Variants in XPO4 observed in about 807,000 individuals in gnomAD.
The protein encoded by XPO4 is exportin 4.
XPO4 carries 39 observed loss-of-function variants against 143.0 expected under a neutral mutation model. The observed-to-expected ratio is 0.27, with a 90% confidence interval of 0.21 to 0.36. The LOEUF (loss-of-function observed/expected upper bound fraction) is 0.36, where lower values mean the gene tolerates loss of function less well. Among genes scored for constraint, XPO4 ranks in the 10% least tolerant of loss-of-function variants. The pLI, the probability that XPO4 is intolerant of heterozygous loss-of-function variation, is 1.00. For missense variants in XPO4, 907 were observed against 1,348.0 expected, an observed-to-expected ratio of 0.67 and a Z score of 5.12; for synonymous variants, 439 against 474.0, an observed-to-expected ratio of 0.93 and a Z score of 0.96.
rs1813101007 is a variant in XPO4, at chr13:20,780,399, G to A, written c.*3323C>T. On this transcript the variant is annotated 3_prime_UTR_variant, in exon 23 of 23. Transcript: ENST00000255305. ...GCTAGTTCCCTTCAATACTTTAGGG[G>A]TTCATAGAAGTATTAACAGAAATGG... is the stretch of plus-strand genomic sequence containing the variant. 1 of 152,162 alleles carries A rather than the reference G, an allele frequency of 6.6e-6. No individual in the cohort carries two copies. Among genetic ancestry groups the A allele is most frequent in the Non-Finnish European group, 1.5e-5 (1 of 68,032 alleles). 9.4% of individuals were successfully genotyped at this position (152,162 alleles called of 1,614,324 possible). A position where few individuals can be genotyped will look rare whatever the true frequency, so the allele number is the denominator to read the frequency against.
At chr13:20,873,362 A>C (rs1566619627) in intron 1 of XPO4, among the ~76,000 whole-genome samples, 1 of 152,160 alleles carries the variant, frequency 6.6e-6, no homozygotes, top group Non-Finnish European at 1.5e-5. Context: ...GAGACACCAA[A>C]ATATCTAAAT....
chr13:20,896,338 A>G (rs2138189419), intron 1 of XPO4, among the ~76,000 whole-genome samples: 1 of 152,344 alleles, frequency 6.6e-6, no homozygotes, highest in East Asian at 1.9e-4. Context: ...ATGAGGGAGA[A>G]ATTGCCACCT....
At chr13:20,864,038 G>C (rs1265679726) in intron 2 of XPO4, among the ~76,000 whole-genome samples, 2 of 152,082 alleles carry the variant, frequency 1.3e-5, no homozygotes, top group Admixed American at 1.3e-4. Context: ...AAACCACTAA[G>C]AGAAACCAAT....
At chr13:20,894,644 C>G (rs2060550293) in intron 1 of XPO4, among the ~76,000 whole-genome samples, 1 of 151,574 alleles carries the variant, frequency 6.6e-6, no homozygotes, top group Admixed American at 6.6e-5. Flanking sequence ...GAGTTCAAGA[C>G]CAGCCTGGCC....
chr13:20,819,042 C>T (rs1007490411), intron 9 of XPO4, among the ~76,000 whole-genome samples: 76 of 152,270 alleles, frequency 5.0e-4, no homozygotes, highest in African/African-American at 1.3e-3. Context: ...AGGCTGGTCT[C>T]GAACTCCTGA....
chr13:20,836,937 G>A (rs2138036774), intron 6 of XPO4, among the ~76,000 whole-genome samples: 1 of 152,276 alleles, frequency 6.6e-6, no homozygotes, highest in South Asian at 2.1e-4. Context: ...GGTCTTTTGT[G>A]AATGGCTTTT....
chr13:20,779,166 A>G lies in XPO4; in HGVS notation c.*4556T>C, dbSNP rs1448739089. On this transcript the variant is annotated 3_prime_UTR_variant, in exon 23 of 23. Coordinates refer to ENST00000255305, the MANE Select transcript of XPO4 (RefSeq NM_022459.5). ...ATTTTAATATTTATAAATTTAAAAAATTTTACACGTGCTGAGTGGTAGCAG... is the reference window on the plus strand; with the variant it reads ...ATTTTAATATTTATAAATTTAAAAAGTTTTACACGTGCTGAGTGGTAGCAG... The G allele has an allele frequency of 6.6e-6, 1 of 152,398 alleles. No homozygotes were observed. The highest frequency in any genetic ancestry group is 1.9e-4 in the East Asian group (1 of 5,198). The allele number at this position is 152,398 out of a possible 1,614,324, so 9.4% of individuals were successfully genotyped here.
At chr13:20,784,547 A>C (rs1416130003) in intron 22 of XPO4, among the ~76,000 whole-genome samples, 1 of 152,172 alleles carries the variant, frequency 6.6e-6, no homozygotes, top group Non-Finnish European at 1.5e-5. Context: ...GAATATGGGA[A>C]ATTTTCTGTT....
intron 4 of XPO4, among the ~76,000 whole-genome samples, chr13:20,844,592 G>A (rs1405951989): frequency 1.3e-5 from 2 of 152,116 alleles, no homozygotes; most frequent in African/African-American, 2.4e-5. Context: ...CTGAACAACC[G>A]AAAGATTAAA....
chr13:20,788,547 G>A lies in XPO4; in HGVS notation c.2986C>T (p.Pro996Ser). Reference protein sequence around the residue: ...FICEIFPEKIPQLPEDLFKSL... With the variant: ...FICEIFPEKISQLPEDLFKSL... ...TTAAACAGATCCTCAGGAAGCTGTG[G>A]TATTTTTTCAGGAAAAATCTCACAG... Residue 996 changes from proline (P) to serine (S), a missense_variant, in exon 20 of 23, where the codon CCA becomes TCA. Transcript: ENST00000255305. 1 of 1,612,972 alleles carries A rather than the reference G, an allele frequency of 6.2e-7. No individual in the cohort carries two copies. Among genetic ancestry groups the A allele is most frequent in the Non-Finnish European group, 8.5e-7 (1 of 1,179,488 alleles).
Position 20,783,570 on chromosome 13 carries a change from GT to G in XPO4, c.*151del. The G allele has an allele frequency of 1.4e-6, 1 of 720,520 alleles. No individual in the cohort carries two copies. The allele number at this position is 720,520 out of a possible 1,614,324, so 44.6% of individuals were successfully genotyped here. A position where few individuals can be genotyped will look rare whatever the true frequency, so the allele number is the denominator to read the frequency against. On this transcript the variant is annotated 3_prime_UTR_variant, in exon 23 of 23. Transcript: ENST00000255305. ...AGCTGATGCCAAGTTGACCTCTCCT[GT>G]TTCACTGTATTACATACATATCAAA...
At position 20,821,727 on chromosome 13, in the gene XPO4, G is replaced by A; in HGVS notation, c.1150C>T (p.Arg384Ter). Residue 384 changes from arginine to a stop codon, truncating the protein, a stop_gained, in exon 9 of 23, where the codon CGA (arginine) becomes TGA (stop). Transcript: ENST00000255305. LOFTEE classifies it high-confidence loss of function. ...CLTHLTCSFGRSAALEEVLDK... is the reference protein window; with the variant it reads ...CLTHLTCSFG The stretch of plus-strand genomic sequence containing the variant: ...ACCACTTCTTCCAATGCAGCACTTC[G>A]CCCAAAAGAACAAGTGAGGTGTGTG... 7 of 1,612,838 alleles carry A rather than the reference G, an allele frequency of 4.3e-6. No individual in the cohort carries two copies. Among genetic ancestry groups the A allele is most frequent in the Non-Finnish European group, 5.9e-6 (7 of 1,179,322 alleles).
intron 4 of XPO4, chr13:20,849,269 A>G (rs1238659439): frequency 2.0e-6 from 2 of 985,312 alleles, no homozygotes; most frequent in Non-Finnish European, 2.4e-6. Context: ...GAGACTTATG[A>G]TAAGAGAGAT....
At chr13:20,841,257 G>A (rs953024607) in intron 6 of XPO4, among the ~76,000 whole-genome samples, 26 of 152,082 alleles carry the variant, frequency 1.7e-4, no homozygotes, top group African/African-American at 5.8e-4. Context: ...GGAGCAAGAA[G>A]CTGAATCCAA....
chr13:20,858,159 G>C (rs1196828374), intron 3 of XPO4, among the ~76,000 whole-genome samples: 1 of 151,032 alleles, frequency 6.6e-6, no homozygotes, highest in East Asian at 2.0e-4. Context: ...GGCTCACCTA[G>C]ATTAAAAAAA....
chr13:20,821,807 C>T lies in XPO4; in HGVS notation c.1070G>A (p.Arg357Gln). The T allele has an allele frequency of 6.2e-7, 1 of 1,614,052 alleles. No homozygotes were observed. Among genetic ancestry groups the T allele is most frequent in the Non-Finnish European group, 8.5e-7 (1 of 1,179,944 alleles). Reference protein sequence around the residue: ...IISNLITVFPRNVLTAIPSEL... With the variant: ...IISNLITVFPQNVLTAIPSEL... ...ACTTGGAATGGCAGTTAAAACATTT[C>T]GTGGGAACACGGTTATCAGGTTGCT... The change falls in exon 9 of 23, where the codon CGA becomes CAA. Residue 357 changes from arginine to glutamine, a missense_variant. Arg to Gln is a conservative substitution (Grantham distance 43). Coordinates refer to ENST00000255305, the MANE Select transcript of XPO4 (RefSeq NM_022459.5).
intron 3 of XPO4, among the ~76,000 whole-genome samples, chr13:20,860,780 A>C (rs943033027): frequency 1.3e-4 from 20 of 152,234 alleles, no homozygotes; most frequent in Non-Finnish European, 1.5e-4. Context: ...ACCAGGGACA[A>C]GACTTCCTTA....
intron 6 of XPO4, among the ~76,000 whole-genome samples, chr13:20,834,157 A>G (rs2059887806): frequency 6.6e-6 from 1 of 152,186 alleles, no homozygotes; most frequent in South Asian, 2.1e-4. Flanking sequence ...GGATACTTTC[A>G]TAAATCACCT....
chr13:20,809,833 A>G lies in XPO4; in HGVS notation c.1308T>C (p.Tyr436=). ...CTGGAGCAGCTAGGTGGCACTGAAT[A>G]TAGGAATTGAAAACTTGAACTGCAT... ...TQHAVQVFNS[Y]IQCHLAAPDG... Residue 436 remains tyrosine, a synonymous_variant, in exon 10 of 23, where the codon TAT becomes TAC. Coordinates refer to ENST00000255305, the MANE Select transcript of XPO4 (RefSeq NM_022459.5). The G allele has an allele frequency of 1.9e-6, 3 of 1,613,700 alleles. No homozygotes were observed. Among genetic ancestry groups the G allele is most frequent in the South Asian group, 1.1e-5 (1 of 91,014 alleles).
Sources: allele counts gnomAD v4.1 joint callset (sites outside exome capture counted in the v4.1 genomes callset), GRCh38; gene constraint gnomAD v4.1.1; transcripts MANE v1.5; gene names NCBI Gene and HGNC (gene_info 2026-07-23, HGNC 2026-07-21).